Variants in PPIC observed in about 807,000 individuals in gnomAD.
PPIC encodes the protein peptidyl-prolyl cis-trans isomerase C.
In PPIC, 19 loss-of-function variants were observed where a neutral mutation model predicts 19.5. The observed-to-expected ratio is 0.98, with a 90% CI of 0.68 to 1.43. The LOEUF (loss-of-function observed/expected upper bound fraction) is 1.43, where lower values mean the gene tolerates loss of function less well. PPIC is among the 40% of genes most tolerant of loss of function. PPIC has a pLI of 0.00. For synonymous variants in PPIC, 107 were observed against 101.2 expected (o/e 1.06, Z -0.34); for missense variants, 268 against 268.6 (o/e 1.00, Z 0.02).
intron 1 of PPIC, among the ~76,000 whole-genome samples, chr5:123,032,717 T>C (rs1762959133): frequency 6.6e-6 from 1 of 152,132 alleles, no homozygotes; most frequent in Non-Finnish European, 1.5e-5. Context: ...AAAACACATA[T>C]ATGAATGCTA....
intron 2 of PPIC, 21 bp from the exon 3 acceptor site, chr5:123,028,889 G>A: frequency 6.5e-7 from 1 of 1,546,476 alleles, no homozygotes; most frequent in Non-Finnish European, 8.9e-7. Flanking sequence ...TACTTCAGTT[G>A]AATAACAAGT....
At chr5:123,032,048 T>G (rs560813659) in intron 1 of PPIC, among the ~76,000 whole-genome samples, 1 of 152,282 alleles carries the variant, frequency 6.6e-6, no homozygotes, top group South Asian at 2.1e-4. Flanking sequence ...CCGCCCATCT[T>G]GGCCTCCCAA....
chr5:123,026,496 A>G (rs971992306), intron 3 of PPIC, among the ~76,000 whole-genome samples: 1 of 152,212 alleles, frequency 6.6e-6, no homozygotes, highest in Non-Finnish European at 1.5e-5. Flanking sequence ...TCTCCGTCCT[A>G]TTTTACAATG....
At chr5:123,029,154 C>T (rs1203849171) in intron 2 of PPIC, 151 bp downstream of exon 2, 3 of 1,446,290 alleles carry the variant, frequency 2.1e-6, no homozygotes, top group Non-Finnish European at 2.8e-6. Context: ...CACTGAGTGC[C>T]CAAATAATAC....
chr5:123,036,399 G>A lies in PPIC; in HGVS notation c.117+110C>T. The A allele has an allele frequency of 9.9e-7, 1 of 1,009,828 alleles. No individual in the cohort carries two copies. The highest frequency in any genetic ancestry group is 1.6e-5 in the African/African-American group (1 of 62,008). 62.6% of individuals were successfully genotyped at this position (1,009,828 alleles called of 1,614,324 possible). A position where few individuals can be genotyped will look rare whatever the true frequency, so the allele number is the denominator to read the frequency against. ...CCGCGGCCGCCTCCAGTCCCCCTGCGCCCGGGAAGCCTCCACCTCGCCCGC... is the reference window on the plus strand; with the variant it reads ...CCGCGGCCGCCTCCAGTCCCCCTGCACCCGGGAAGCCTCCACCTCGCCCGC... On this transcript the variant is annotated intron_variant, in intron 1 of 4. Coordinates refer to ENST00000306442, the MANE Select transcript of PPIC (RefSeq NM_000943.5). The surrounding 1 kb of genome is among the most constrained non-coding windows in gnomAD (Gnocchi z 4.5).
rs1464533328 is a variant in PPIC at position 123,032,093 on chromosome 5, A to G, written c.118-2675T>C. ...ATTACAGGCATGAGCCACAGCGCCC[A>G]GCCAGGAGAGGCGTTTAAACAAAGG... On this transcript the variant is annotated intron_variant, in intron 1 of 4. Coordinates refer to ENST00000306442, the MANE Select transcript of PPIC (RefSeq NM_000943.5). 2.0e-5 allele frequency among the ~76,000 whole-genome samples: 3 copies of G among 152,324 alleles called. No individual in the cohort carries two copies. The East Asian group carries it at 5.8e-4, about 30-fold the overall frequency.
chr5:123,025,773 T>C lies in PPIC; in HGVS notation c.510+11A>G, dbSNP rs1762842029. On this transcript the variant is annotated intron_variant, in intron 4 of 4. Transcript: ENST00000306442. Reference sequence around the variant, plus strand: ...ATAAAGCTTTGAAAGGAAAAAAATGTATCAATTTACCATCCCATCAATGAC... The same window carrying C: ...ATAAAGCTTTGAAAGGAAAAAAATGCATCAATTTACCATCCCATCAATGAC... 5.6e-6 allele frequency: 9 copies of C among 1,608,694 alleles called. No homozygotes were observed. The highest frequency in any genetic ancestry group is 7.6e-6 in the Non-Finnish European group (9 of 1,178,498).
At chr5:123,026,803 C>T (rs1251229263) in intron 3 of PPIC, among the ~76,000 whole-genome samples, 3 of 152,180 alleles carry the variant, frequency 2.0e-5, no homozygotes, top group Admixed American at 6.5e-5. Context: ...AGGATCTGAC[C>T]ATCCTCCAAT....
At position 123,036,391 on chromosome 5, in the gene PPIC, C is replaced by A. The variant is rs1318319797; in HGVS notation, c.117+118G>T. The stretch of plus-strand genomic sequence containing the variant: ...ACCCAGTCCCGCGGCCGCCTCCAGT[C>A]CCCCTGCGCCCGGGAAGCCTCCACC... On this transcript the variant is annotated intron_variant, in intron 1 of 4. Transcript: ENST00000306442. The surrounding 1 kb of genome is among the most constrained non-coding windows in gnomAD (Gnocchi z 4.5). 9.6e-6 allele frequency: 9 copies of A among 938,686 alleles called. No homozygotes were observed. The highest frequency in any genetic ancestry group is 1.6e-5 in the African/African-American group (1 of 60,860). 58.1% of individuals were successfully genotyped at this position (938,686 alleles called of 1,614,324 possible). A position where few individuals can be genotyped will look rare whatever the true frequency, so the allele number is the denominator to read the frequency against.
chr5:123,035,477 C>T lies in PPIC; in HGVS notation c.117+1032G>A, dbSNP rs188566088. Reference sequence around the variant, plus strand: ...ACAACGTGGCACGGCCTTTCTGCGACATCAGATGCTGAGCTGGACCTCCTC... The same window carrying T: ...ACAACGTGGCACGGCCTTTCTGCGATATCAGATGCTGAGCTGGACCTCCTC... On this transcript the variant is annotated intron_variant, in intron 1 of 4. Coordinates refer to ENST00000306442, the MANE Select transcript of PPIC (RefSeq NM_000943.5). 2.3e-3 allele frequency among the ~76,000 whole-genome samples: 345 copies of T among 152,234 alleles called. 1 individual carries two copies. Among genetic ancestry groups the T allele is most frequent in the Non-Finnish European group, 3.6e-3 (244 of 68,012 alleles).
intron 1 of PPIC, among the ~76,000 whole-genome samples, chr5:123,034,049 G>T (rs1161393007): frequency 2.0e-5 from 3 of 152,180 alleles, no homozygotes; most frequent in Non-Finnish European, 4.4e-5. Flanking sequence ...TGGGCCATGT[G>T]GGCAGAATAG....
At position 123,036,604 on chromosome 5, in the gene PPIC, G is replaced by A. The variant is rs1346650795; in HGVS notation, c.22C>T (p.Leu8=). 2 of 1,593,338 alleles carry A rather than the reference G, an allele frequency of 1.3e-6. No individual in the cohort carries two copies. The highest frequency in any genetic ancestry group is 1.7e-6 in the Non-Finnish European group (2 of 1,171,534). Residue 8 remains leucine, a synonymous_variant, in exon 1 of 5, where the codon CTG becomes TTG. Transcript: ENST00000306442. The surrounding 1 kb of genome is among the most constrained non-coding windows in gnomAD (Gnocchi z 4.5). MGPGPRL[L]LPLVLCVGLG... The stretch of plus-strand genomic sequence containing the variant: ...CCCACGCAAAGCACGAGAGGTAGCA[G>A]CAGCCGAGGACCCGGGCCCATGGTG...
At chr5:123,030,404 G>GTT (rs1323539481) in intron 1 of PPIC, among the ~76,000 whole-genome samples, 1 of 152,170 alleles carries the variant, frequency 6.6e-6, no homozygotes, top group Non-Finnish European at 1.5e-5. Flanking sequence ...CCAATTTACT[G>GTT]TTTGAATGGG....
At chr5:123,028,339 G>C (rs1762892172) in intron 3 of PPIC, among the ~76,000 whole-genome samples, 1 of 152,206 alleles carries the variant, frequency 6.6e-6, no homozygotes, top group Non-Finnish European at 1.5e-5. Context: ...AAAGTGCGCT[G>C]TGACCCTGCT....
Position 123,024,079 on chromosome 5 carries a change from A to G in PPIC, c.511-76T>C, listed in dbSNP as rs1762813904. The G allele has an allele frequency of 6.6e-6, 10 of 1,509,554 alleles. No homozygotes were observed. In the South Asian group the frequency reaches 1.3e-4, roughly 20 times the overall value. The allele number at this position is 1,509,554 out of a possible 1,614,324, so 93.5% of individuals were successfully genotyped here. On this transcript the variant is annotated intron_variant, in intron 4 of 4. Coordinates refer to ENST00000306442, the MANE Select transcript of PPIC (RefSeq NM_000943.5). Reference sequence around the variant, plus strand: ...CAATCCAAAGGTTAAACCAAAGCCAACTCCAAAAGCCCAAGTGGGAAGGAA... The same window carrying G: ...CAATCCAAAGGTTAAACCAAAGCCAGCTCCAAAAGCCCAAGTGGGAAGGAA...
intron 2 of PPIC, 125 bp downstream of exon 2, chr5:123,029,180 A>G: frequency 1.3e-6 from 2 of 1,535,126 alleles, no homozygotes; most frequent in Non-Finnish European, 8.8e-7. Flanking sequence ...TAATTGGAAA[A>G]TAAAGTCAAA....
intron 4 of PPIC, among the ~76,000 whole-genome samples, chr5:123,024,561 T>G (rs1198414496): frequency 1.3e-5 from 2 of 152,224 alleles, no homozygotes; most frequent in Non-Finnish European, 2.9e-5. Context: ...GGCACCTTTC[T>G]CTACCCTGGA....
chr5:123,033,203 A>C (rs1762964953), intron 1 of PPIC, among the ~76,000 whole-genome samples: 1 of 152,254 alleles, frequency 6.6e-6, no homozygotes, highest in Non-Finnish European at 1.5e-5. Flanking sequence ...AGGATTAAGA[A>C]GATAAACACA....
intron 4 of PPIC, 55 bp downstream of exon 4, chr5:123,025,729 A>G: frequency 6.6e-7 from 1 of 1,522,858 alleles, no homozygotes. Flanking sequence ...AAATCACTGA[A>G]AGTACTCTCA....
Sources: allele counts gnomAD v4.1 joint callset (sites outside exome capture counted in the v4.1 genomes callset), GRCh38; gene constraint gnomAD v4.1.1; non-coding constraint Gnocchi (gnomAD v3.1); transcripts MANE v1.5; gene names NCBI Gene and HGNC (gene_info 2026-07-23, HGNC 2026-07-21).